The following EXO1 variants were observed in gnomAD, a reference collection of about 807,000 sequenced individuals.
The protein encoded by EXO1 is exonuclease 1.
EXO1 carries 69 observed loss-of-function variants against 84.5 expected under a neutral mutation model. The observed-to-expected ratio is 0.82, with a 90% CI of 0.67 to 1.00. The LOEUF (loss-of-function observed/expected upper bound fraction) is 1.00, where lower values mean the gene tolerates loss of function less well. Ranked by LOEUF, EXO1 falls within the 50% of genes least tolerant of loss-of-function variation. The probability of loss-of-function intolerance (pLI) is 0.00; values close to 1 mark genes in which losing one functional copy is unlikely to be tolerated. For missense variants in EXO1, 1,045 were observed against 1,000.7 expected (o/e 1.04, Z -0.60); for synonymous variants, 373 against 366.1 (o/e 1.02, Z -0.21).
At chr1:241,856,806 G>A (rs1574139348) in intron 6 of EXO1, among the ~76,000 whole-genome samples, 1 of 152,324 alleles carries the variant, frequency 6.6e-6, no homozygotes, top group East Asian at 1.9e-4. Flanking sequence ...TGAAGCGAGT[G>A]GATCACTTGA....
chr1:241,852,400 A>G lies in EXO1; in HGVS notation c.270A>G (p.Arg90=). 7.5e-6 allele frequency: 12 copies of G among 1,597,604 alleles called. No individual in the cohort carries two copies. The highest frequency in any genetic ancestry group is 1.0e-5 in the Non-Finnish European group (12 of 1,165,860). ...TACCTTCTAAAAAGGAAGTAGAGAGATCTAGAAGAGAGTAAGTTAATTCTC... is the reference window on the plus strand; with the variant it reads ...TACCTTCTAAAAAGGAAGTAGAGAGGTCTAGAAGAGAGTAAGTTAATTCTC... ...CTLPSKKEVE[R]SRRERRQANL... is the part of the protein sequence containing the mutation. Residue 90 remains arginine (R), a synonymous_variant, in exon 5 of 16, where the codon AGA becomes AGG. Coordinates refer to ENST00000366548, the MANE Select transcript of EXO1 (RefSeq NM_130398.4).
In EXO1 at chr1:241,877,838, G is replaced by A. The variant is rs148642942; in HGVS notation, c.1515-911G>A. 3.6e-3 allele frequency among the ~76,000 whole-genome samples: 543 copies of A among 151,906 alleles called. 5 individuals carry two copies. The highest frequency in any genetic ancestry group is 0.012 in the African/African-American group (517 of 41,414). On this transcript the variant is annotated intron_variant, in intron 12 of 15. Coordinates refer to ENST00000366548, the MANE Select transcript of EXO1 (RefSeq NM_130398.4). ...TTTAAAAGAGTATAGAAGTTTATAG[G>A]GTATATAACAAGCTGGTAGATTAGT... is the stretch of plus-strand genomic sequence containing the variant.
At chr1:241,873,334 T>C (rs1662219217) in intron 12 of EXO1, among the ~76,000 whole-genome samples, 1 of 152,204 alleles carries the variant, frequency 6.6e-6, no homozygotes, top group African/African-American at 2.4e-5. Context: ...CTTAATCTGA[T>C]TACTGTCTTA....
intron 12 of EXO1, among the ~76,000 whole-genome samples, chr1:241,873,005 C>T (rs565573803): frequency 1.3e-5 from 2 of 152,232 alleles, no homozygotes; most frequent in Non-Finnish European, 2.9e-5. Context: ...TCCACATCCT[C>T]TCCAGCATCT....
intron 11 of EXO1, among the ~76,000 whole-genome samples, chr1:241,867,927 G>A (rs1661842597): frequency 6.6e-6 from 1 of 151,792 alleles, no homozygotes; most frequent in African/African-American, 2.4e-5. Context: ...GTACATTTTA[G>A]AATTTAGCTT....
At chr1:241,858,358 C>A in intron 7 of EXO1, 148 bp from the exon 8 acceptor site, 1 of 630,596 alleles carries the variant, frequency 1.6e-6, no homozygotes, top group South Asian at 1.9e-5. Context: ...TATTTGTAAA[C>A]TTAGTAATCA....
At position 241,872,190 on chromosome 1, in the gene EXO1, C is replaced by A. The variant is rs1446646924; in HGVS notation, c.1426C>A (p.Pro476Thr). 21 of 1,613,580 alleles carry A rather than the reference C, an allele frequency of 1.3e-5. No homozygotes were observed. The highest frequency in any genetic ancestry group is 1.8e-5 in the Non-Finnish European group (21 of 1,179,804). ...GPTNKKSVST[P>T]PRTRNKFATF... ...TACTAACAAAAAGAGTGTAAGCACT[C>A]CACCTAGGACGAGAAATAAATTTGC... The change falls in exon 12 of 16, where the codon CCA (proline) becomes ACA (threonine). Residue 476 changes from proline to threonine, a missense_variant. Coordinates refer to ENST00000366548, the MANE Select transcript of EXO1 (RefSeq NM_130398.4).
At chr1:241,883,739 A>G (rs976747323) in intron 14 of EXO1, among the ~76,000 whole-genome samples, 2 of 15,120 alleles carry the variant, frequency 1.3e-4, no homozygotes, top group East Asian at 8.4e-4. Flanking sequence ...AACAATATGT[A>G]TAGTGTTTTT....
rs1304205758 is a variant in EXO1, at chr1:241,889,624, G to T, written c.*24G>T. On this transcript the variant is annotated 3_prime_UTR_variant, in exon 16 of 16. Transcript: ENST00000366548. ...AAATGCAGACTGCTGCAAAGCTTTT[G>T]CCTGCAAGAGAATCTGATCAATTTG... is the stretch of plus-strand genomic sequence containing the variant. 3 of 1,612,940 alleles carry T rather than the reference G, an allele frequency of 1.9e-6. No individual in the cohort carries two copies. Among genetic ancestry groups the T allele is most frequent in the East Asian group, 4.5e-5 (2 of 44,844 alleles).
chr1:241,851,451 G>A (rs60905640), intron 4 of EXO1, among the ~76,000 whole-genome samples: 1 of 152,010 alleles, frequency 6.6e-6, no homozygotes. Flanking sequence ...CTTTATTTTA[G>A]CTGCTAAGTT....
At chr1:241,878,617 C>T in intron 12 of EXO1, 132 bp from the exon 13 acceptor site, 3 of 616,114 alleles carry the variant, frequency 4.9e-6, no homozygotes, top group South Asian at 4.4e-5. Context: ...TTTTTTATGC[C>T]TTTATGAAAT....
chr1:241,856,731 A>G (rs1036910817), intron 6 of EXO1, among the ~76,000 whole-genome samples: 7 of 152,226 alleles, frequency 4.6e-5, no homozygotes, highest in South Asian at 2.1e-4. Context: ...GAAGTTTTCT[A>G]TAATTTAAAA....
At chr1:241,875,795 T>G (rs1574172152) in intron 12 of EXO1, among the ~76,000 whole-genome samples, 1 of 152,286 alleles carries the variant, frequency 6.6e-6, no homozygotes, top group Non-Finnish European at 1.5e-5. Flanking sequence ...GGAGAATCGC[T>G]TGAACCCGGG....
chr1:241,872,598 T>C (rs569419896), intron 12 of EXO1, among the ~76,000 whole-genome samples: 1 of 152,170 alleles, frequency 6.6e-6, no homozygotes, highest in Non-Finnish European at 1.5e-5. Flanking sequence ...AGCGAGAACA[T>C]GTGGTGTTTG....
chr1:241,861,350 A>G (rs1282462067), intron 9 of EXO1, 56 bp from the exon 10 acceptor site: 2 of 883,312 alleles, frequency 2.3e-6, no homozygotes, highest in Non-Finnish European at 3.9e-6. Context: ...ATCTTAGTAT[A>G]ATATCATTTG....
rs146726728 is a variant in EXO1, at chr1:241,878,058, C to A, written c.1515-691C>A. ...CCCATCCTAGGTACTGTGGAAGATACAAAGACATGGGAAGTACCTGCCCTC... is the reference window on the plus strand; with the variant it reads ...CCCATCCTAGGTACTGTGGAAGATAAAAAGACATGGGAAGTACCTGCCCTC... On this transcript the variant is annotated intron_variant, in intron 12 of 15. Transcript: ENST00000366548. Among the ~76,000 whole-genome samples, 352 of 152,250 alleles carry A rather than the reference C, an allele frequency of 2.3e-3. 1 individual carries two copies. The highest frequency in any genetic ancestry group is 8.0e-3 in the African/African-American group (333 of 41,544).
intron 11 of EXO1, among the ~76,000 whole-genome samples, chr1:241,870,528 T>G (rs1662027769): frequency 6.6e-6 from 1 of 152,244 alleles, no homozygotes; most frequent in Non-Finnish European, 1.5e-5. Flanking sequence ...ACTGTTTCAG[T>G]CCTGTGCTTT....
intron 15 of EXO1, among the ~76,000 whole-genome samples, chr1:241,888,165 G>A (rs4150014): frequency 5.3e-4 from 80 of 152,278 alleles, no homozygotes; most frequent in East Asian, 4.6e-3. Context: ...GCTTGAGCCC[G>A]GGAGGTGGCG....
At chr1:241,884,125 G>A (rs1662914983) in intron 14 of EXO1, among the ~76,000 whole-genome samples, 1 of 152,080 alleles carries the variant, frequency 6.6e-6, no homozygotes, top group Non-Finnish European at 1.5e-5. Flanking sequence ...TCCTAAGGTT[G>A]TCCTTTTTCT....
Sources: gnomAD v4.1 joint callset for allele counts (sites outside exome capture counted in the v4.1 genomes callset) on GRCh38, gnomAD v4.1.1 for gene constraint, MANE v1.5 for transcripts, NCBI Gene and HGNC (gene_info 2026-07-23, HGNC 2026-07-21) for gene names.